ESRRB: variants seen among roughly 807,000 people sequenced by gnomAD.
ESRRB encodes estrogen related receptor beta.
A neutral mutation model predicts 46.0 loss-of-function variants in ESRRB; 16 were observed. That is an observed-to-expected ratio of 0.35 (90% CI 0.24 to 0.53). The LOEUF is 0.53. Among genes scored for constraint, ESRRB ranks in the 20% least tolerant of loss-of-function variants. The probability of loss-of-function intolerance (pLI) is 0.93; values close to 1 mark genes in which losing one functional copy is unlikely to be tolerated. For missense variants in ESRRB, 488 were observed against 607.4 expected (o/e 0.80, Z 2.07); for synonymous variants, 246 against 259.6 (o/e 0.95, Z 0.50).
intron 1 of ESRRB, among the ~76,000 whole-genome samples, chr14:76,391,746 T>G (rs1885477972): frequency 6.6e-6 from 1 of 152,200 alleles, no homozygotes; most frequent in Non-Finnish European, 1.5e-5. Context: ...AATTTGTGCT[T>G]TGGGGTGCAC....
chr14:76,348,813 C>A (rs1001336545), intron 1 of ESRRB, among the ~76,000 whole-genome samples: 1 of 152,180 alleles, frequency 6.6e-6, no homozygotes, highest in Non-Finnish European at 1.5e-5. Flanking sequence ...TACTGATATA[C>A]CCCGTGTTGA....
At chr14:76,458,196 C>G (rs1250099304) in intron 2 of ESRRB, among the ~76,000 whole-genome samples, 4 of 152,130 alleles carry the variant, frequency 2.6e-5, no homozygotes, top group Middle Eastern at 3.2e-3. Context: ...CACACCTCAG[C>G]TGCACGTGTG....
At chr14:76,329,369 G>A (rs1460234885) in intron 1 of ESRRB, among the ~76,000 whole-genome samples, 1 of 152,066 alleles carries the variant, frequency 6.6e-6, no homozygotes, top group Non-Finnish European at 1.5e-5. Context: ...CCCCATTCCC[G>A]TCCCTCTGCA....
In ESRRB at chr14:76,397,532, C is replaced by T. The variant is rs77714874; in HGVS notation, c.50+21081C>T. ...CAGTCACAGAGTCATATTTTCTTTA[C>T]GGAGGCTGGGCTTGCTGGCTTTAAA... On this transcript the variant is annotated intron_variant, in intron 1 of 6. Coordinates refer to ENST00000644823, the MANE Select transcript of ESRRB (RefSeq NM_001379180.1). Among the ~76,000 whole-genome samples, 587 of 152,300 alleles carry T rather than the reference C, an allele frequency of 3.9e-3. 5 individuals are homozygous for T. The highest frequency in any genetic ancestry group is 0.01 in the African/African-American group (433 of 41,574).
At chr14:76,453,897 C>T (rs1403580110) in intron 2 of ESRRB, among the ~76,000 whole-genome samples, 1 of 152,148 alleles carries the variant, frequency 6.6e-6, no homozygotes, top group Non-Finnish European at 1.5e-5. Context: ...CAGGTGTGAG[C>T]CTAATCGGTG....
chr14:76,429,741 ACT>A (rs1471174943), intron 1 of ESRRB, among the ~76,000 whole-genome samples: 1 of 151,816 alleles, frequency 6.6e-6, no homozygotes, highest in Non-Finnish European at 1.5e-5. Flanking sequence ...CAAGAGTAAA[ACT>A]CTGTCTCAAA....
intron 1 of ESRRB, among the ~76,000 whole-genome samples, chr14:76,353,062 G>T (rs1884333837): frequency 6.6e-6 from 1 of 152,182 alleles, no homozygotes; most frequent in Non-Finnish European, 1.5e-5. Context: ...AGGCACCCTA[G>T]ACCTTGGCTT....
chr14:76,439,365 C>A lies in ESRRB; in HGVS notation c.75C>A (p.Asp25Glu), dbSNP rs1141580. 16 of 1,613,684 alleles carry A rather than the reference C, an allele frequency of 9.9e-6. No homozygotes were observed. The Admixed American group carries it at 1.3e-4, about 13-fold the overall frequency. ...GGCTGCTGAACAGGATGTCCTCGGA[C>A]GACAGGCACCTGGGCTCCAGCTGCG... ...HNQLLNRMSS[D>E]DRHLGSSCGS... Residue 25 changes from aspartate (D) to glutamate (E), a missense_variant, in exon 2 of 7, where the codon GAC becomes GAA. Coordinates refer to ENST00000644823, the MANE Select transcript of ESRRB (RefSeq NM_001379180.1).
At chr14:76,372,709 G>A (rs556837127), upstream of ESRRB, among the ~76,000 whole-genome samples, 7 of 152,284 alleles carry the variant, frequency 4.6e-5, no homozygotes, top group East Asian at 1.9e-4. Flanking sequence ...GTGGGTGCCT[G>A]TAGTCCCACC....
chr14:76,444,863 G>A (rs920290126), intron 2 of ESRRB, among the ~76,000 whole-genome samples: 1 of 152,090 alleles, frequency 6.6e-6, no homozygotes, highest in Admixed American at 6.6e-5. Flanking sequence ...GTAAATGCTT[G>A]GAAAGCTCTG....
At chr14:76,312,861 GA>G (rs1270134389) in intron 1 of ESRRB, among the ~76,000 whole-genome samples, 1 of 152,032 alleles carries the variant, frequency 6.6e-6, no homozygotes. Flanking sequence ...TGGCTTTTGA[GA>G]AAAAATGTGG....
intron 2 of ESRRB, among the ~76,000 whole-genome samples, chr14:76,449,933 A>T (rs935342): frequency 0.1 from 15,366 of 151,656 alleles, 1,421 homozygotes; most frequent in African/African-American, 0.24. Context: ...TTTATTTTTT[A>T]AAAAAATTGT....
intron 1 of ESRRB, among the ~76,000 whole-genome samples, chr14:76,379,860 C>CA (rs34925535): frequency 0.76 from 95,887 of 126,922 alleles, 36,187 homozygotes; most frequent in Middle Eastern, 0.79. Flanking sequence ...AGATCTGTTC[C>CA]AAAAAAAAAA....
At chr14:76,424,287 T>C (rs1300580974) in intron 1 of ESRRB, among the ~76,000 whole-genome samples, 1 of 152,174 alleles carries the variant, frequency 6.6e-6, no homozygotes, top group Non-Finnish European at 1.5e-5. Flanking sequence ...CCACCTGAGT[T>C]AAGATGCCTC....
chr14:76,350,755 C>T (rs1353940018), intron 1 of ESRRB, among the ~76,000 whole-genome samples: 1 of 152,176 alleles, frequency 6.6e-6, no homozygotes, highest in Non-Finnish European at 1.5e-5. Context: ...CCCCACAAGG[C>T]TGATGGCCTC....
At chr14:76,337,944 G>A (rs1884147016) in intron 1 of ESRRB, among the ~76,000 whole-genome samples, 1 of 152,134 alleles carries the variant, frequency 6.6e-6, no homozygotes. Context: ...AGCTTACATC[G>A]CCTCCTCCTT....
intron 1 of ESRRB, among the ~76,000 whole-genome samples, chr14:76,388,298 C>T (rs943371180): frequency 6.6e-6 from 1 of 151,640 alleles, no homozygotes; most frequent in African/African-American, 2.4e-5. Flanking sequence ...CCTGCCTCGG[C>T]CTCCCAAGTA....
At chr14:76,484,920 G>A (rs1889945914) in intron 5 of ESRRB, among the ~76,000 whole-genome samples, 2 of 152,192 alleles carry the variant, frequency 1.3e-5, no homozygotes, top group South Asian at 2.1e-4. Context: ...GATGTAGCGC[G>A]CTTAGTGTGT....
chr14:76,317,537 C>T (rs1883816667), intron 1 of ESRRB, among the ~76,000 whole-genome samples: 2 of 151,998 alleles, frequency 1.3e-5, no homozygotes, highest in South Asian at 4.2e-4. Flanking sequence ...TGCCTAGGGC[C>T]TCCTCATAGA....
Sources: allele counts gnomAD v4.1 joint callset (sites outside exome capture counted in the v4.1 genomes callset), GRCh38; gene constraint gnomAD v4.1.1; transcripts MANE v1.5; gene names NCBI Gene and HGNC (gene_info 2026-07-23, HGNC 2026-07-21).